SYT1: variants seen among roughly 807,000 people sequenced by gnomAD.
SYT1 encodes synaptotagmin-1.
SYT1 carries 8 observed loss-of-function variants against 44.8 expected under a neutral mutation model. The ratio of observed to expected loss-of-function variants is 0.18; its 90% CI spans 0.10 to 0.32. The LOEUF is 0.32. Among genes scored for constraint, SYT1 ranks in the 10% least tolerant of loss-of-function variants. The pLI is 1.00. For missense variants in SYT1, 286 were observed against 509.3 expected (o/e 0.56, Z 4.22); for synonymous variants, 154 against 188.8 (o/e 0.82, Z 1.51).
At chr12:79,025,251 T>C (rs891124599) in intron 2 of SYT1, among the ~76,000 whole-genome samples, 2 of 151,776 alleles carry the variant, frequency 1.3e-5, no homozygotes, top group Non-Finnish European at 2.9e-5. Flanking sequence ...ATCTGAACCA[T>C]CATTAGTTTT....
intron 3 of SYT1, among the ~76,000 whole-genome samples, chr12:79,119,388 T>C (rs1879468754): frequency 1.3e-5 from 2 of 152,174 alleles, no homozygotes; most frequent in South Asian, 4.1e-4. Context: ...GTTCACGCTT[T>C]CTTCTATAAA....
chr12:79,149,788 A>G (rs1026030491), intron 3 of SYT1, among the ~76,000 whole-genome samples: 6 of 152,162 alleles, frequency 3.9e-5, no homozygotes, highest in Non-Finnish European at 7.4e-5. Context: ...CACATTCTAC[A>G]TGGCAATTAC....
At chr12:79,189,254 G>T (rs866800724) in intron 3 of SYT1, among the ~76,000 whole-genome samples, 7 of 152,168 alleles carry the variant, frequency 4.6e-5, no homozygotes, top group Middle Eastern at 3.4e-3. Context: ...CACTTTACTA[G>T]CTCTGTGGTC....
At chr12:79,014,879 C>T (rs1871696740) in intron 2 of SYT1, among the ~76,000 whole-genome samples, 2 of 151,834 alleles carry the variant, frequency 1.3e-5, no homozygotes, top group Admixed American at 6.6e-5. Flanking sequence ...TACTATGCAG[C>T]CATAAAAAAT....
intron 3 of SYT1, among the ~76,000 whole-genome samples, chr12:79,216,073 A>G (rs1269382268): frequency 2.6e-5 from 4 of 151,474 alleles, no homozygotes; most frequent in African/African-American, 9.7e-5. Flanking sequence ...CTGGGATTAC[A>G]GGTGCCTGCC....
intron 3 of SYT1, among the ~76,000 whole-genome samples, chr12:79,080,217 T>G (rs1380805658): frequency 1.3e-5 from 2 of 152,152 alleles, no homozygotes; most frequent in Non-Finnish European, 1.5e-5. Context: ...ATTTATCCAA[T>G]GATATAAAAT....
intron 3 of SYT1, among the ~76,000 whole-genome samples, chr12:79,197,195 A>T (rs75571750): frequency 0.015 from 2,259 of 152,350 alleles, 39 homozygotes; most frequent in African/African-American, 0.045. Flanking sequence ...TGGGGTCCAC[A>T]TTTAATTAGT....
intron 3 of SYT1, among the ~76,000 whole-genome samples, chr12:79,117,714 TAA>T (rs1491222132): frequency 3.2e-4 from 28 of 87,240 alleles, no homozygotes; most frequent in African/African-American, 1.3e-3. Flanking sequence ...TATATATATA[TAA>T]AATAAATAGG....
At chr12:79,185,690 G>C (rs930901598) in intron 3 of SYT1, among the ~76,000 whole-genome samples, 5 of 151,984 alleles carry the variant, frequency 3.3e-5, no homozygotes, top group South Asian at 2.1e-4. Flanking sequence ...ATATGGATCA[G>C]TAGTATGTAT....
At chr12:79,096,472 A>C (rs908413179) in intron 3 of SYT1, among the ~76,000 whole-genome samples, 1 of 151,950 alleles carries the variant, frequency 6.6e-6, no homozygotes, top group African/African-American at 2.4e-5. Context: ...CACTTTGCTA[A>C]GTGTGATTAA....
intron 2 of SYT1, among the ~76,000 whole-genome samples, chr12:79,034,303 T>C (rs905078562): frequency 2.6e-5 from 4 of 151,562 alleles, no homozygotes; most frequent in Non-Finnish European, 5.9e-5. Context: ...TTCCTTTGGG[T>C]AAATACTGCT....
intron 9 of SYT1, among the ~76,000 whole-genome samples, chr12:79,360,990 G>C (rs751870090): frequency 6.6e-6 from 1 of 152,182 alleles, no homozygotes; most frequent in South Asian, 2.1e-4. Flanking sequence ...GTGAAATCAA[G>C]AGAAATAAGT....
chr12:79,072,112 C>A (rs1592722058), intron 3 of SYT1, among the ~76,000 whole-genome samples: 1 of 152,028 alleles, frequency 6.6e-6, no homozygotes, highest in East Asian at 1.9e-4. Context: ...TCATTGTTAT[C>A]TGTAGAATTT....
chr12:79,367,442 T>C (rs1883594049), intron 9 of SYT1, among the ~76,000 whole-genome samples: 1 of 152,226 alleles, frequency 6.6e-6, no homozygotes, highest in Non-Finnish European at 1.5e-5. Flanking sequence ...TGATGCAATA[T>C]GAGTCAGTAT....
intron 4 of SYT1, among the ~76,000 whole-genome samples, chr12:79,244,763 C>T (rs936677695): frequency 2.0e-5 from 3 of 151,848 alleles, no homozygotes; most frequent in African/African-American, 7.2e-5. Context: ...TAACCTTCCC[C>T]GCTAAGTTTC....
At chr12:79,194,956 A>G (rs1873364455) in intron 3 of SYT1, among the ~76,000 whole-genome samples, 1 of 152,204 alleles carries the variant, frequency 6.6e-6, no homozygotes, top group African/African-American at 2.4e-5. Flanking sequence ...TAAAATTGGC[A>G]TTTCAATAAG....
intron 3 of SYT1, chr12:79,102,872 A>C (rs1331103861): frequency 6.6e-6 from 1 of 151,962 alleles, no homozygotes; most frequent in Non-Finnish European, 1.5e-5. Context: ...AGAATTTCAT[A>C]AAATGGACCC....
At chr12:79,205,456 A>G (rs1178889092) in intron 3 of SYT1, among the ~76,000 whole-genome samples, 5 of 152,204 alleles carry the variant, frequency 3.3e-5, no homozygotes, top group African/African-American at 1.2e-4. Flanking sequence ...AACTGCAATG[A>G]TATTTTATTT....
chr12:79,016,143 TAAAAAC>T (rs1470922419), intron 2 of SYT1, among the ~76,000 whole-genome samples: 3 of 152,162 alleles, frequency 2.0e-5, no homozygotes, highest in Admixed American at 6.6e-5. Flanking sequence ...GAAAGACAGT[TAAAAAC>T]AGAAGTTCTT....
Sources: allele counts gnomAD v4.1 joint callset (sites outside exome capture counted in the v4.1 genomes callset), GRCh38; gene constraint gnomAD v4.1.1; transcripts MANE v1.5; gene names NCBI Gene and HGNC (gene_info 2026-07-23, HGNC 2026-07-21).